ANKRD30B: variants seen among roughly 807,000 people sequenced by gnomAD.
The protein encoded by ANKRD30B is ankyrin repeat domain 30B, also known as ankyrin repeat domain-containing protein 30B.
A neutral mutation model predicts 202.2 loss-of-function variants in ANKRD30B; 144 were observed. The observed-to-expected ratio is 0.71, with a 90% CI of 0.62 to 0.82. The LOEUF is 0.82. Ranked by LOEUF, ANKRD30B falls within the 40% of genes least tolerant of loss-of-function variation. The pLI is 0.00. For missense variants in ANKRD30B, 1,487 were observed against 1,669.1 expected (o/e 0.89, Z 1.90); for synonymous variants, 508 against 561.3 (o/e 0.91, Z 1.34).
chr18:14,807,336 A>T (rs189303034), intron 24 of ANKRD30B, among the ~76,000 whole-genome samples: 1 of 150,994 alleles, frequency 6.6e-6, no homozygotes. Flanking sequence ...AAGCTTTTTC[A>T]TAACAGTGGT....
At chr18:14,893,503 C>T in the ANKRD30B span, among the ~76,000 whole-genome samples, 164 of 151,746 alleles carry the variant, frequency 1.1e-3, 1 homozygote, top group African/African-American at 3.4e-3. Flanking sequence ...CCCAGTTACT[C>T]GGGAGGCTGA....
In ANKRD30B at chr18:14,780,020, G is replaced by A; in HGVS notation, c.1481G>A (p.Gly494Glu). ...EEDEEYSWDS[G>E]SLFESSAKTQ... ...GATGAAGAATATTCTTGGGATTCTG[G>A]GGTATTGTGTATTATTGCTGTTATT... Residue 494 changes from glycine to glutamate, a missense_variant and splice_region_variant, in exon 11 of 44, where the codon GGG (glycine) becomes GAG (glutamate). Physicochemically the swap from Gly to Glu is moderately conservative, Grantham distance 98. Around this residue, in one of 6 missense-constraint regions of ANKRD30B, gnomAD observed 889 missense variants for 841.4 expected, o/e 1.06. Coordinates refer to ENST00000690538, the MANE Select transcript of ANKRD30B (RefSeq NM_001367607.2). 2 of 1,473,144 alleles carry A rather than the reference G, an allele frequency of 1.4e-6. No individual in the cohort carries two copies. Among genetic ancestry groups the A allele is most frequent in the Non-Finnish European group, 1.8e-6 (2 of 1,102,210 alleles). 91.3% of individuals were successfully genotyped at this position (1,473,144 alleles called of 1,614,324 possible). A position where few individuals can be genotyped will look rare whatever the true frequency, so the allele number is the denominator to read the frequency against.
At chr18:14,781,086 A>C (rs1375210291) in intron 11 of ANKRD30B, among the ~76,000 whole-genome samples, 26 of 152,096 alleles carry the variant, frequency 1.7e-4, no homozygotes, top group African/African-American at 5.8e-4. Flanking sequence ...ATTTTATCTA[A>C]TTTGTCCATA....
chr18:14,779,959 G>A lies in ANKRD30B; in HGVS notation c.1421-1G>A, dbSNP rs759826540. 1.1e-5 allele frequency: 18 copies of A among 1,592,034 alleles called. No homozygotes were observed. Among genetic ancestry groups the A allele is most frequent in the Non-Finnish European group, 1.5e-5 (17 of 1,162,880 alleles). ...AATGTATCTGTGATTAACATTTTTA[G>A]ATCAGATGTTCCCATCAGAATCCAA... is the stretch of plus-strand genomic sequence containing the variant. On this transcript the variant is annotated splice_acceptor_variant, in intron 10 of 43. Coordinates refer to ENST00000690538, the MANE Select transcript of ANKRD30B (RefSeq NM_001367607.2). LOFTEE classifies it high-confidence loss of function.
At chr18:14,795,453 G>A (rs559704672) in intron 16 of ANKRD30B, among the ~76,000 whole-genome samples, 2 of 152,136 alleles carry the variant, frequency 1.3e-5, no homozygotes, top group Non-Finnish European at 2.9e-5. Context: ...CTCTTCAGGC[G>A]TCCAAGGTTC....
the ANKRD30B span, among the ~76,000 whole-genome samples, chr18:14,912,513 A>G: frequency 1.3e-5 from 2 of 152,122 alleles, no homozygotes; most frequent in Non-Finnish European, 2.9e-5. Context: ...CTTGGATTCA[A>G]TATGCTAGTG....
At chr18:14,788,730 T>A (rs1419527445) in intron 15 of ANKRD30B, among the ~76,000 whole-genome samples, 2 of 151,994 alleles carry the variant, frequency 1.3e-5, no homozygotes, top group African/African-American at 4.8e-5. Flanking sequence ...GAACTCATCA[T>A]TTTTTATGGC....
the ANKRD30B span, among the ~76,000 whole-genome samples, chr18:14,879,782 A>G: frequency 6.6e-6 from 1 of 151,108 alleles, no homozygotes; most frequent in Non-Finnish European, 1.5e-5. Flanking sequence ...GGTCAGGGTC[A>G]GGGGTTAAGG....
the ANKRD30B span, among the ~76,000 whole-genome samples, chr18:14,911,335 T>G: frequency 6.6e-6 from 1 of 152,154 alleles, no homozygotes. Context: ...CTCTCCCTTC[T>G]GCATAGGGCA....
In ANKRD30B at chr18:14,854,653, A is replaced by G. The variant is rs1234534467; in HGVS notation, c.*495A>G. Among the ~76,000 whole-genome samples the G allele has an allele frequency of 6.6e-6, 1 of 152,156 alleles. No individual in the cohort carries two copies. The highest frequency in any genetic ancestry group is 1.5e-5 in the Non-Finnish European group (1 of 68,032). On this transcript the variant is annotated 3_prime_UTR_variant, in exon 44 of 44. Coordinates refer to ENST00000690538, the MANE Select transcript of ANKRD30B (RefSeq NM_001367607.2). ...CCTAGACAGACAGGAACACTTTTTT[A>G]TAATTATAAAAACACAAATTTCCTT...
chr18:14,918,605 A>G, the ANKRD30B span, among the ~76,000 whole-genome samples: 2 of 152,114 alleles, frequency 1.3e-5, no homozygotes, highest in South Asian at 2.1e-4. Flanking sequence ...GGAAGTCACA[A>G]TGAAGGCACC....
At chr18:14,899,504 G>T in the ANKRD30B span, among the ~76,000 whole-genome samples, 4 of 152,008 alleles carry the variant, frequency 2.6e-5, no homozygotes, top group Non-Finnish European at 2.9e-5. Flanking sequence ...TGAAATAAGA[G>T]AAATAGTTTT....
intron 39 of ANKRD30B, among the ~76,000 whole-genome samples, chr18:14,848,024 C>T (rs1368461650): frequency 6.6e-6 from 1 of 152,014 alleles, no homozygotes; most frequent in Non-Finnish European, 1.5e-5. Context: ...TTGGTTTTAC[C>T]AGACTCTAAG....
intron 39 of ANKRD30B, among the ~76,000 whole-genome samples, chr18:14,844,710 A>C (rs1448798410): frequency 1.3e-5 from 2 of 152,180 alleles, no homozygotes; most frequent in Non-Finnish European, 1.5e-5. Context: ...ACAGTGTAAA[A>C]GTTTTCCTAT....
At chr18:14,850,916 T>C (rs915922603) in intron 41 of ANKRD30B, among the ~76,000 whole-genome samples, 27 of 151,932 alleles carry the variant, frequency 1.8e-4, no homozygotes, top group African/African-American at 5.8e-4. Context: ...ACAACTTGAT[T>C]ATATTTTTAA....
chr18:14,929,201 C>T, the ANKRD30B span, among the ~76,000 whole-genome samples: 1 of 152,186 alleles, frequency 6.6e-6, no homozygotes, highest in African/African-American at 2.4e-5. Flanking sequence ...ATGCATATGC[C>T]TACGACCTTT....
chr18:14,938,933 T>A, the ANKRD30B span, among the ~76,000 whole-genome samples: 8 of 152,040 alleles, frequency 5.3e-5, no homozygotes, highest in Non-Finnish European at 1.2e-4. Context: ...CAGGAGAAGA[T>A]CAACAACAGG....
the ANKRD30B span, chr18:14,888,867 C>T: frequency 4.7e-4 from 446 of 943,830 alleles, no homozygotes; most frequent in Non-Finnish European, 6.5e-4. Context: ...AGAATTAGTC[C>T]TTTGAAGTTA....
At chr18:14,871,080 C>A in the ANKRD30B span, among the ~76,000 whole-genome samples, 1 of 75,492 alleles carries the variant, frequency 1.3e-5, no homozygotes, top group African/African-American at 5.2e-5. Flanking sequence ...CACCCACAGA[C>A]CCCCACCCTC....
Sources: gnomAD v4.1 joint callset for allele counts (sites outside exome capture counted in the v4.1 genomes callset) on GRCh38, gnomAD v4.1.1 for gene constraint, gnomAD v4.1.1 regional missense constraint, MANE v1.5 for transcripts, NCBI Gene and HGNC (gene_info 2026-07-23, HGNC 2026-07-21) for gene names.